Variants in CNIH3 observed in about 807,000 individuals in gnomAD.
The protein encoded by CNIH3 is protein cornichon homolog 3.
Under a neutral mutation model 24.1 loss-of-function variants are expected in CNIH3, and 14 were observed. That is an observed-to-expected ratio of 0.58 (90% confidence interval 0.38 to 0.91). CNIH3 has a LOEUF of 0.91. Ranked by LOEUF, CNIH3 falls within the 40% of genes least tolerant of loss-of-function variation. The probability of loss-of-function intolerance (pLI) is 0.00; values close to 1 mark genes in which losing one functional copy is unlikely to be tolerated. For synonymous variants in CNIH3, 68 were observed against 73.8 expected, an observed-to-expected ratio of 0.92 and a Z score of 0.40; for missense variants, 178 against 196.8, an observed-to-expected ratio of 0.90 and a Z score of 0.57.
chr1:224,523,875 A>G (rs868575051), intron 2 of CNIH3, among the ~76,000 whole-genome samples: 1 of 152,238 alleles, frequency 6.6e-6, no homozygotes, highest in Middle Eastern at 3.4e-3. Context: ...TCACTGATGC[A>G]GAGGTTAAAG....
chr1:224,480,782 C>T (rs1014242360), intron 1 of CNIH3, among the ~76,000 whole-genome samples: 1 of 152,210 alleles, frequency 6.6e-6, no homozygotes, highest in African/African-American at 2.4e-5. Flanking sequence ...CACTATTAGG[C>T]TTTTGGTCAA....
At chr1:224,585,653 T>G (rs12144862) in intron 5 of CNIH3, among the ~76,000 whole-genome samples, 1 of 121,830 alleles carries the variant, frequency 8.2e-6, no homozygotes, top group Non-Finnish European at 1.8e-5. Flanking sequence ...ATTTAAAAAC[T>G]TTTTTTTTTT....
At chr1:224,725,397 C>T (rs1413052190) in intron 3 of CNIH3, among the ~76,000 whole-genome samples, 1 of 152,118 alleles carries the variant, frequency 6.6e-6, no homozygotes, top group Non-Finnish European at 1.5e-5. Flanking sequence ...TTCTAAATAG[C>T]ACACAGTTGA....
intron 3 of CNIH3, among the ~76,000 whole-genome samples, chr1:224,712,954 T>C (rs1688234665): frequency 1.3e-5 from 2 of 152,202 alleles, no homozygotes; most frequent in Non-Finnish European, 2.9e-5. Flanking sequence ...TTGCCAAATG[T>C]CTCAGATTTT....
chr1:224,607,188 T>C (rs1448147489), intron 3 of CNIH3, among the ~76,000 whole-genome samples: 1 of 152,218 alleles, frequency 6.6e-6, no homozygotes, highest in Non-Finnish European at 1.5e-5. Flanking sequence ...GACTGGCCCT[T>C]GGACCTTTCC....
intron 3 of CNIH3, among the ~76,000 whole-genome samples, chr1:224,711,993 C>A (rs1688179957): frequency 6.6e-6 from 1 of 152,134 alleles, no homozygotes; most frequent in Admixed American, 6.5e-5. Flanking sequence ...CTTAGCCTGA[C>A]CTTCATGGCT....
chr1:224,607,078 G>T (rs1682458418), intron 3 of CNIH3, among the ~76,000 whole-genome samples: 1 of 152,240 alleles, frequency 6.6e-6, no homozygotes, highest in Non-Finnish European at 1.5e-5. Flanking sequence ...TAAGTAAACA[G>T]AGTCCTAAGC....
chr1:224,678,554 G>T (rs1168370192), intron 1 of CNIH3, among the ~76,000 whole-genome samples: 1 of 152,122 alleles, frequency 6.6e-6, no homozygotes, highest in Admixed American at 6.5e-5. Context: ...GTAAACAATG[G>T]TTGGAGAGAT....
intron 4 of CNIH3, among the ~76,000 whole-genome samples, chr1:224,572,515 TAAAA>T (rs772549317): frequency 8.8e-6 from 1 of 114,112 alleles, no homozygotes; most frequent in Admixed American, 9.2e-5. Flanking sequence ...AACTCCATCT[TAAAA>T]AAAAAAAAAA....
intron 3 of CNIH3, among the ~76,000 whole-genome samples, chr1:224,701,009 T>C (rs1409166065): frequency 6.6e-6 from 1 of 152,212 alleles, no homozygotes; most frequent in Non-Finnish European, 1.5e-5. Flanking sequence ...GGCACTTCAC[T>C]GCCCAGAAGT....
chr1:224,513,529 C>T (rs1287884407), upstream of CNIH3, among the ~76,000 whole-genome samples: 1 of 152,070 alleles, frequency 6.6e-6, no homozygotes, highest in Non-Finnish European at 1.5e-5. Flanking sequence ...CACTTCCCAG[C>T]CTCAGTTCAG....
rs536475488 is a variant in CNIH3 at position 224,435,176 on chromosome 1, C to G, written n.203+314C>G. The G allele has an allele frequency of 3.0e-4, 298 of 986,258 alleles. No homozygotes were observed. The African/African-American group carries it at 4.9e-3, about 16-fold the overall frequency. The allele number at this position is 986,258 out of a possible 1,614,324, so 61.1% of individuals were successfully genotyped here. On this transcript the variant is annotated intron_variant and non_coding_transcript_variant, in intron 1 of 5. Coordinates refer to the CNIH3 transcript ENST00000471578. ...CGCGGAGGGACTGCACCTTCTCCAT[C>G]AGGTGCAGAAGGTGAGGATGGGGCA...
At chr1:224,471,660 G>A (rs995483776) in intron 1 of CNIH3, among the ~76,000 whole-genome samples, 3 of 150,354 alleles carry the variant, frequency 2.0e-5, no homozygotes, top group Non-Finnish European at 4.4e-5. Flanking sequence ...GCGTGATCTC[G>A]GCTCACCGCA....
downstream of CNIH3, chr1:224,537,545 G>A (rs1349166392): frequency 6.6e-6 from 1 of 152,156 alleles, no homozygotes; most frequent in Non-Finnish European, 1.5e-5. Context: ...TACACATATT[G>A]ATTGATGTCT....
chr1:224,728,522 G>T (rs1689154942), intron 3 of CNIH3, among the ~76,000 whole-genome samples: 1 of 151,980 alleles, frequency 6.6e-6, no homozygotes, highest in Non-Finnish European at 1.5e-5. Context: ...AGTCTAAGGT[G>T]AGGGTTAATG....
chr1:224,444,939 G>A (rs1450935271), intron 1 of CNIH3, among the ~76,000 whole-genome samples: 2 of 150,400 alleles, frequency 1.3e-5, no homozygotes, highest in African/African-American at 4.9e-5. Flanking sequence ...CACCACGCCC[G>A]GCCCTTTTTT....
chr1:224,661,013 GTC>G (rs1285961670), intron 1 of CNIH3, among the ~76,000 whole-genome samples: 25 of 152,298 alleles, frequency 1.6e-4, no homozygotes, highest in African/African-American at 5.5e-4. Context: ...AAACTCAAAA[GTC>G]TATGACAAAT....
chr1:224,440,707 A>C (rs1438381840), intron 1 of CNIH3, among the ~76,000 whole-genome samples: 3 of 152,210 alleles, frequency 2.0e-5, no homozygotes, highest in Admixed American at 2.0e-4. Flanking sequence ...GAAAAGCATA[A>C]ACAGGGTTTC....
At chr1:224,623,069 G>A (rs1354105769) in intron 1 of CNIH3, among the ~76,000 whole-genome samples, 1 of 152,090 alleles carries the variant, frequency 6.6e-6, no homozygotes, top group Non-Finnish European at 1.5e-5. Context: ...GCTGGGTGCT[G>A]TTGGTTATCT....
Sources: gnomAD v4.1 joint callset for allele counts (sites outside exome capture counted in the v4.1 genomes callset) on GRCh38, gnomAD v4.1.1 for gene constraint, MANE v1.5 for transcripts, NCBI Gene and HGNC (gene_info 2026-07-23, HGNC 2026-07-21) for gene names.